DDX46: variants seen among roughly 807,000 people sequenced by gnomAD.
The protein encoded by DDX46 is DEAD-box helicase 46.
A neutral mutation model predicts 134.9 loss-of-function variants in DDX46; 30 were observed. The ratio of observed to expected loss-of-function variants is 0.22; its 90% CI spans 0.17 to 0.30. The LOEUF (loss-of-function observed/expected upper bound fraction) is 0.30. Among genes scored for constraint, DDX46 ranks in the 10% least tolerant of loss-of-function variants. DDX46 has a pLI of 1.00. For synonymous variants in DDX46, 415 were observed against 404.1 expected, an observed-to-expected ratio of 1.03 and a Z score of -0.32; for missense variants, 622 against 1,248.7, an observed-to-expected ratio of 0.50 and a Z score of 7.56.
chr5:134,774,603 A>T (rs1753876476), intron 5 of DDX46, among the ~76,000 whole-genome samples: 1 of 152,240 alleles, frequency 6.6e-6, no homozygotes, highest in African/African-American at 2.4e-5. Context: ...GGGCATAGCC[A>T]GTAAATAGTT....
intron 15 of DDX46, among the ~76,000 whole-genome samples, chr5:134,802,497 GT>G (rs761764011): frequency 0.087 from 11,681 of 134,888 alleles, 1,172 homozygotes; most frequent in African/African-American, 0.26. Flanking sequence ...CAACATTATC[GT>G]TTTTTTTTTT....
intron 6 of DDX46, 76 bp downstream of exon 6, chr5:134,777,801 A>G: frequency 6.8e-7 from 1 of 1,480,316 alleles, no homozygotes; most frequent in Non-Finnish European, 9.0e-7. Flanking sequence ...TGTCCTACTG[A>G]TTGGCATGAC....
chr5:134,822,943 T>A (rs1045429827), intron 21 of DDX46, among the ~76,000 whole-genome samples: 4 of 152,164 alleles, frequency 2.6e-5, no homozygotes, highest in Non-Finnish European at 5.9e-5. Context: ...TATGTAATTT[T>A]TAAATCATAC....
chr5:134,822,524 A>G (rs1755484589), intron 21 of DDX46, among the ~76,000 whole-genome samples: 1 of 151,856 alleles, frequency 6.6e-6, no homozygotes, highest in South Asian at 2.1e-4. Flanking sequence ...TTTTCTAGAG[A>G]CAGGGTCTTG....
chr5:134,795,934 G>A, intron 14 of DDX46, 54 bp from the exon 15 acceptor site: 1 of 1,510,692 alleles, frequency 6.6e-7, no homozygotes, highest in East Asian at 2.3e-5. Context: ...TTTCTGTCCA[G>A]GGGATCCATT....
At chr5:134,820,648 A>G (rs574601614) in intron 21 of DDX46, among the ~76,000 whole-genome samples, 8 of 152,160 alleles carry the variant, frequency 5.3e-5, no homozygotes, top group African/African-American at 1.9e-4. Context: ...GTCTTTTGCT[A>G]TTTAGGACTT....
At chr5:134,817,457 C>T (rs1755315020) in intron 19 of DDX46, 39 bp from the exon 20 acceptor site, 1 of 1,589,466 alleles carries the variant, frequency 6.3e-7, no homozygotes, top group Non-Finnish European at 8.6e-7. Flanking sequence ...CTTGTCTCTG[C>T]CCTCATTTGA....
chr5:134,804,484 G>T (rs1754924962), intron 15 of DDX46, among the ~76,000 whole-genome samples: 1 of 151,944 alleles, frequency 6.6e-6, no homozygotes, highest in Non-Finnish European at 1.5e-5. Context: ...GTCGCCCAAG[G>T]TGGAGTGCAG....
intron 11 of DDX46, among the ~76,000 whole-genome samples, chr5:134,787,770 G>A (rs1754381394): frequency 6.6e-6 from 1 of 152,160 alleles, no homozygotes; most frequent in Non-Finnish European, 1.5e-5. Flanking sequence ...AGCATTTTGG[G>A]AGGCTGAAAT....
At chr5:134,775,639 C>T (rs1352259358) in intron 5 of DDX46, among the ~76,000 whole-genome samples, 1 of 152,020 alleles carries the variant, frequency 6.6e-6, no homozygotes, top group Non-Finnish European at 1.5e-5. Flanking sequence ...TGTCAAACTC[C>T]TAACCTTGTG....
intron 20 of DDX46, 122 bp downstream of exon 20, chr5:134,817,836 A>T: frequency 1.3e-6 from 1 of 784,956 alleles, no homozygotes; most frequent in Middle Eastern, 3.8e-4. Flanking sequence ...TAAATGGAGG[A>T]TATAACAATA....
At chr5:134,789,387 C>G (rs1479897687) in intron 12 of DDX46, 2 of 152,128 alleles carry the variant, frequency 1.3e-5, no homozygotes, top group Non-Finnish European at 2.9e-5. Context: ...AGAAAATGCT[C>G]TCAGAGGTTT....
rs372145486 is a variant in DDX46 at position 134,781,673 on chromosome 5, T to C, written c.880-248T>C. Among the ~76,000 whole-genome samples the C allele has an allele frequency of 5.9e-5, 9 of 152,294 alleles. No homozygotes were observed. The South Asian group carries it at 1.7e-3, about 28-fold the overall frequency. Reference sequence around the variant, plus strand: ...AAGAAAAAAAAACTAAGTTGAAAAATTCTTCAGGAGCTGCTTGATACGTTT... The same window carrying C: ...AAGAAAAAAAAACTAAGTTGAAAAACTCTTCAGGAGCTGCTTGATACGTTT... On this transcript the variant is annotated intron_variant, in intron 7 of 22. Coordinates refer to ENST00000452510, the MANE Select transcript of DDX46 (RefSeq NM_001300860.2).
At chr5:134,779,534 G>A (rs953077406) in intron 6 of DDX46, among the ~76,000 whole-genome samples, 1 of 151,992 alleles carries the variant, frequency 6.6e-6, no homozygotes. Context: ...TTTAGAGACA[G>A]GGTCTCGCTG....
intron 3 of DDX46, among the ~76,000 whole-genome samples, chr5:134,769,327 GTTTTTTTTTTTT>G (rs1026334806): frequency 1.0e-5 from 1 of 100,480 alleles, no homozygotes; most frequent in Non-Finnish European, 2.0e-5. Flanking sequence ...TATTTTCAAG[GTTTTTTTTTTTT>G]TTTTTTTTTT....
At chr5:134,788,669 C>T (rs1257756382) in intron 12 of DDX46, 78 bp downstream of exon 12, 5 of 1,264,190 alleles carry the variant, frequency 4.0e-6, no homozygotes, top group Non-Finnish European at 5.7e-6. Flanking sequence ...TGCAAGAAAC[C>T]AACAAAGGGT....
rs117098705 is a variant in DDX46 at position 134,777,311 on chromosome 5, A to T, written c.614-263A>T. On this transcript the variant is annotated intron_variant, in intron 5 of 22. Coordinates refer to ENST00000452510, the MANE Select transcript of DDX46 (RefSeq NM_001300860.2). ...ATTGGAGATCACCTTTTTTGGCATA[A>T]TTAATCTTTTGACCCTTTTACAACC... Among the ~76,000 whole-genome samples, 1,228 of 152,318 alleles carry T rather than the reference A, an allele frequency of 8.1e-3. 51 individuals carry two copies. The highest frequency in any genetic ancestry group is 0.059 in the Admixed American group (906 of 15,286).
chr5:134,770,799 A>G (rs567111343), intron 3 of DDX46, 104 bp from the exon 4 acceptor site: 167 of 962,742 alleles, frequency 1.7e-4, no homozygotes, highest in Admixed American at 1.4e-3. Context: ...TCTGGGCGAC[A>G]GAGTGAGACA....
chr5:134,762,535 C>A (rs1361329460), intron 1 of DDX46, among the ~76,000 whole-genome samples: 8 of 150,960 alleles, frequency 5.3e-5, no homozygotes, highest in Non-Finnish European at 1.0e-4. Flanking sequence ...GAGTTCCAGA[C>A]CAGCCTGACC....
Sources: gnomAD v4.1 joint callset for allele counts (sites outside exome capture counted in the v4.1 genomes callset) on GRCh38, gnomAD v4.1.1 for gene constraint, MANE v1.5 for transcripts, NCBI Gene and HGNC (gene_info 2026-07-23, HGNC 2026-07-21) for gene names.